Variants in RIT2 observed in about 807,000 individuals in gnomAD.
RIT2 encodes GTP-binding protein Rit2.
A neutral mutation model predicts 23.7 loss-of-function variants in RIT2; 24 were observed. The ratio of observed to expected loss-of-function variants is 1.01; its 90% CI spans 0.73 to 1.43. RIT2 has a LOEUF of 1.43. RIT2 is among the 40% of genes most tolerant of loss of function. The pLI is 0.00. For missense variants in RIT2, 236 were observed against 266.9 expected (o/e 0.88, Z 0.81); for synonymous variants, 107 against 91.1 (o/e 1.17, Z -0.99).
intron 1 of RIT2, among the ~76,000 whole-genome samples, chr18:43,093,139 T>C (rs1205439995): frequency 6.6e-6 from 1 of 152,090 alleles, no homozygotes; most frequent in Non-Finnish European, 1.5e-5. Context: ...AGTGGGAGAA[T>C]TTATTTAAGA....
At chr18:42,885,624 T>C (rs1206318767) in intron 4 of RIT2, among the ~76,000 whole-genome samples, 1 of 151,930 alleles carries the variant, frequency 6.6e-6, no homozygotes, top group African/African-American at 2.4e-5. Context: ...CCAAAATATA[T>C]TGGAAATAGT....
intron 1 of RIT2, among the ~76,000 whole-genome samples, chr18:43,111,783 G>A (rs1384964399): frequency 6.6e-6 from 1 of 152,008 alleles, no homozygotes; most frequent in African/African-American, 2.4e-5. Flanking sequence ...TAAAAATTGG[G>A]GAGTGATGGA....
At chr18:42,860,116 C>T (rs1054839056) in intron 4 of RIT2, among the ~76,000 whole-genome samples, 1 of 152,210 alleles carries the variant, frequency 6.6e-6, no homozygotes, top group African/African-American at 2.4e-5. Flanking sequence ...GGAGCTCCAA[C>T]TCCAACCCAG....
chr18:42,783,865 T>C (rs1913866613), intron 4 of RIT2, among the ~76,000 whole-genome samples: 1 of 152,056 alleles, frequency 6.6e-6, no homozygotes, highest in Admixed American at 6.6e-5. Context: ...GAAGGTAAAA[T>C]TTATATCAAC....
intron 2 of RIT2, among the ~76,000 whole-genome samples, chr18:43,023,148 C>A (rs763399410): frequency 2.0e-5 from 3 of 152,024 alleles, no homozygotes; most frequent in Non-Finnish European, 4.4e-5. Flanking sequence ...AGACAGCTGT[C>A]ATGGAGATCA....
intron 1 of RIT2, among the ~76,000 whole-genome samples, chr18:43,108,679 G>T (rs1337396111): frequency 1.3e-5 from 2 of 152,162 alleles, no homozygotes; most frequent in Admixed American, 1.3e-4. Flanking sequence ...GTCAATCAAA[G>T]CCTTTCGCCT....
chr18:42,764,542 C>T (rs1393353926), intron 4 of RIT2, among the ~76,000 whole-genome samples: 4 of 152,150 alleles, frequency 2.6e-5, no homozygotes, highest in East Asian at 1.9e-4. Flanking sequence ...AAGGTTTAAC[C>T]TCCACTGTCT....
At chr18:42,900,166 G>A (rs1225761889) in intron 4 of RIT2, among the ~76,000 whole-genome samples, 2 of 151,932 alleles carry the variant, frequency 1.3e-5, no homozygotes, top group Non-Finnish European at 2.9e-5. Context: ...TTTTTAATAA[G>A]GTGCTTTTCA....
chr18:42,864,803 A>C (rs1907425046), intron 4 of RIT2, among the ~76,000 whole-genome samples: 1 of 152,202 alleles, frequency 6.6e-6, no homozygotes, highest in Non-Finnish European at 1.5e-5. Context: ...AAGCCTCGCC[A>C]AGGCAGGTTA....
At chr18:42,931,243 T>G (rs149225555) in intron 3 of RIT2, among the ~76,000 whole-genome samples, 1 of 152,280 alleles carries the variant, frequency 6.6e-6, no homozygotes, top group African/African-American at 2.4e-5. Flanking sequence ...TGATATGCAC[T>G]TTAAGGGGAA....
chr18:42,837,147 C>CTTTTTATTTTTTTTTTTTTTTTTTTTTT (rs1196949759), intron 4 of RIT2, among the ~76,000 whole-genome samples: 1 of 48,718 alleles, frequency 2.1e-5, no homozygotes, highest in Non-Finnish European at 4.7e-5. Context: ...CTTTTTTTTT[C>CTTTTTATTTTTTTTTTTTTTTTTTTTTT]TTTTTCTTTT....
chr18:43,007,091 G>T (rs1173478758), intron 2 of RIT2, among the ~76,000 whole-genome samples: 2 of 151,490 alleles, frequency 1.3e-5, no homozygotes, highest in African/African-American at 2.4e-5. Context: ...CAAGTATAAA[G>T]ATAATAAACA....
At chr18:42,752,424 A>G (rs183651172) in intron 4 of RIT2, among the ~76,000 whole-genome samples, 314 of 152,244 alleles carry the variant, frequency 2.1e-3, no homozygotes, top group African/African-American at 6.8e-3. Context: ...AAAGGAATTA[A>G]ATTTTCTTAT....
At chr18:42,985,599 T>C (rs1910691187) in intron 2 of RIT2, among the ~76,000 whole-genome samples, 2 of 152,152 alleles carry the variant, frequency 1.3e-5, no homozygotes, top group South Asian at 2.1e-4. Flanking sequence ...CATTTTTTAA[T>C]ATTACAGTTG....
At chr18:42,882,089 G>C (rs1294220963) in intron 4 of RIT2, among the ~76,000 whole-genome samples, 2 of 152,092 alleles carry the variant, frequency 1.3e-5, no homozygotes, top group Non-Finnish European at 2.9e-5. Flanking sequence ...TTGGGCTCTT[G>C]CTTTCCATTT....
intron 2 of RIT2, among the ~76,000 whole-genome samples, chr18:42,989,593 C>T (rs1910791889): frequency 6.6e-6 from 1 of 152,098 alleles, no homozygotes; most frequent in Non-Finnish European, 1.5e-5. Flanking sequence ...AGCCATGGTT[C>T]ATATTACACT....
At chr18:42,983,606 C>CA (rs1307946876) in intron 2 of RIT2, among the ~76,000 whole-genome samples, 1 of 151,860 alleles carries the variant, frequency 6.6e-6, no homozygotes, top group Non-Finnish European at 1.5e-5. Flanking sequence ...ACATATTTGA[C>CA]AAAAAACTCA....
intron 1 of RIT2, among the ~76,000 whole-genome samples, chr18:43,070,684 A>G (rs1912878044): frequency 6.6e-6 from 1 of 152,220 alleles, no homozygotes; most frequent in African/African-American, 2.4e-5. Context: ...GTGTTCATTA[A>G]GTGCATCAGC....
chr18:43,091,746 T>A (rs1913427833), intron 1 of RIT2, among the ~76,000 whole-genome samples: 1 of 152,086 alleles, frequency 6.6e-6, no homozygotes, highest in Non-Finnish European at 1.5e-5. Context: ...AGATGACCTT[T>A]GGATTATGCG....
Sources: allele counts gnomAD v4.1 joint callset (sites outside exome capture counted in the v4.1 genomes callset), GRCh38; gene constraint gnomAD v4.1.1; transcripts MANE v1.5; gene names NCBI Gene and HGNC (gene_info 2026-07-23, HGNC 2026-07-21).